GABRG2: variants seen among roughly 807,000 people sequenced by gnomAD.
GABRG2 encodes gamma-aminobutyric acid receptor subunit gamma-2.
Under a neutral mutation model 56.4 loss-of-function variants are expected in GABRG2, and 16 were observed. The ratio of observed to expected loss-of-function variants is 0.28; its 90% CI spans 0.19 to 0.43. The LOEUF (loss-of-function observed/expected upper bound fraction) is 0.43, where lower values mean the gene tolerates loss of function less well. Among genes scored for constraint, GABRG2 ranks in the 20% least tolerant of loss-of-function variants. GABRG2 has a pLI of 1.00. For synonymous variants in GABRG2, 208 were observed against 205.5 expected, an observed-to-expected ratio of 1.01 and a Z score of -0.10; for missense variants, 327 against 582.7, an observed-to-expected ratio of 0.56 and a Z score of 4.52.
chr5:162,075,761 AT>A (rs1759049553), intron 1 of GABRG2, among the ~76,000 whole-genome samples: 1 of 152,152 alleles, frequency 6.6e-6, no homozygotes, highest in African/African-American at 2.4e-5. Context: ...GGAAAAAAAA[AT>A]AAAAGAAAAT....
In GABRG2 at chr5:162,067,860, A is replaced by G. The variant is rs939005916; in HGVS notation, c.-140A>G. 2 of 688,948 alleles carry G rather than the reference A, an allele frequency of 2.9e-6. No homozygotes were observed. The highest frequency in any genetic ancestry group is 5.2e-6 in the Non-Finnish European group (2 of 385,510). The allele number at this position is 688,948 out of a possible 1,614,324, so 42.7% of individuals were successfully genotyped here. A position where few individuals can be genotyped will look rare whatever the true frequency, so the allele number is the denominator to read the frequency against. The stretch of plus-strand genomic sequence containing the variant: ...ATATTAATTCCCTAATCTGGTAGCA[A>G]TCCATCTCCCCAGTGAAGGACCTAC... On this transcript the variant is annotated 5_prime_UTR_variant, in exon 1 of 10. Transcript: ENST00000639213.
At position 162,097,573 on chromosome 5, in the gene GABRG2, T is replaced by C. The variant is rs918958841; in HGVS notation, c.328-65T>C. On this transcript the variant is annotated intron_variant, in intron 3 of 9. Transcript: ENST00000639213. ...TGGCAAAGAAAACAGGAATGAAATATACCAATATTTAAAAAGATAATCTTA... is the reference window on the plus strand; with the variant it reads ...TGGCAAAGAAAACAGGAATGAAATACACCAATATTTAAAAAGATAATCTTA... 39 of 1,197,468 alleles carry C rather than the reference T, an allele frequency of 3.3e-5. No homozygotes were observed. The East Asian group carries it at 8.7e-4, about 27-fold the overall frequency. 74.2% of individuals were successfully genotyped at this position (1,197,468 alleles called of 1,614,324 possible).
chr5:162,107,192 G>A (rs1761899807), intron 6 of GABRG2, among the ~76,000 whole-genome samples: 1 of 152,030 alleles, frequency 6.6e-6, no homozygotes, highest in African/African-American at 2.4e-5. Context: ...TTCTCATTTT[G>A]TGTGGCTGCA....
chr5:162,102,357 T>C (rs1761488781), intron 5 of GABRG2: 1 of 388,002 alleles, frequency 2.6e-6, no homozygotes, highest in Admixed American at 2.7e-5. Context: ...GACTACTTCT[T>C]TCTTGCGTCA....
chr5:162,153,472 T>C lies in GABRG2; in HGVS notation c.*104T>C. 7.4e-7 allele frequency: 1 copy of C among 1,348,026 alleles called. No homozygotes were observed. The highest frequency in any genetic ancestry group is 1.1e-6 in the Non-Finnish European group (1 of 943,468). The allele number at this position is 1,348,026 out of a possible 1,614,324, so 83.5% of individuals were successfully genotyped here. ...ATCCTCTATGTGGTTGATAATGATC[T>C]GAATCTGTTTCTATGTCCAAACCTG... On this transcript the variant is annotated 3_prime_UTR_variant, in exon 10 of 10. Coordinates refer to ENST00000639213, the MANE Select transcript of GABRG2 (RefSeq NM_198904.4).
chr5:162,104,924 C>T (rs1430052139), intron 6 of GABRG2, among the ~76,000 whole-genome samples: 1 of 152,070 alleles, frequency 6.6e-6, no homozygotes, highest in Non-Finnish European at 1.5e-5. Context: ...AGCAATGTTG[C>T]TTATATCCTC....
chr5:162,152,685 A>C (rs1765458610), intron 9 of GABRG2: 2 of 390,368 alleles, frequency 5.1e-6, no homozygotes, highest in South Asian at 6.6e-5. Context: ...AGCATGACAC[A>C]ATATTTGATT....
chr5:162,067,816 T>C lies in GABRG2; in HGVS notation c.-184T>C. On this transcript the variant is annotated 5_prime_UTR_variant, in exon 1 of 10. Coordinates refer to ENST00000639213, the MANE Select transcript of GABRG2 (RefSeq NM_198904.4). ...TGGTATCTGCAAGCGTTTTTGCTGA[T>C]CTTATCTCTGCCCCCTGAATATTAA... 1 of 627,566 alleles carries C rather than the reference T, an allele frequency of 1.6e-6. No individual in the cohort carries two copies. Among genetic ancestry groups the C allele is most frequent in the Non-Finnish European group, 2.8e-6 (1 of 355,128 alleles). 38.9% of individuals were successfully genotyped at this position (627,566 alleles called of 1,614,324 possible).
rs920846411 is a variant in GABRG2 at position 162,154,666 on chromosome 5, A to G, written c.*1298A>G. The G allele has an allele frequency of 2.0e-5, 3 of 152,108 alleles. No individual in the cohort carries two copies. Among genetic ancestry groups the G allele is most frequent in the Non-Finnish European group, 4.4e-5 (3 of 68,024 alleles). 9.4% of individuals were successfully genotyped at this position (152,108 alleles called of 1,614,324 possible). Reference sequence around the variant, plus strand: ...CATGACTCTACTAGGGCATAATTAGAGTTTGTGTATTATTTTTCCAGGTTT... The same window carrying G: ...CATGACTCTACTAGGGCATAATTAGGGTTTGTGTATTATTTTTCCAGGTTT... On this transcript the variant is annotated 3_prime_UTR_variant, in exon 10 of 10. Coordinates refer to ENST00000639213, the MANE Select transcript of GABRG2 (RefSeq NM_198904.4).
chr5:162,106,202 C>A (rs987111937), intron 6 of GABRG2, among the ~76,000 whole-genome samples: 1 of 152,164 alleles, frequency 6.6e-6, no homozygotes, highest in South Asian at 2.1e-4. Flanking sequence ...GGCTATTAAT[C>A]TTCCTAAGGA....
chr5:162,118,827 C>T (rs1581396195), intron 6 of GABRG2, among the ~76,000 whole-genome samples: 4 of 152,050 alleles, frequency 2.6e-5, no homozygotes, highest in African/African-American at 7.2e-5. Flanking sequence ...AAAATTCTGA[C>T]TTTTCTGCAA....
chr5:162,151,611 A>C, intron 8 of GABRG2, 119 bp from the exon 9 acceptor site: 1 of 842,842 alleles, frequency 1.2e-6, no homozygotes, highest in Non-Finnish European at 1.9e-6. Context: ...AGTTCATTTC[A>C]CTTACTGTGT....
intron 1 of GABRG2, among the ~76,000 whole-genome samples, chr5:162,088,992 C>A (rs1187916294): frequency 1.3e-5 from 2 of 152,046 alleles, no homozygotes; most frequent in Non-Finnish European, 2.9e-5. Flanking sequence ...GTAATGAAGA[C>A]AGACAATAGA....
intron 6 of GABRG2, among the ~76,000 whole-genome samples, chr5:162,140,434 G>C (rs1308144705): frequency 1.3e-5 from 2 of 152,186 alleles, no homozygotes; most frequent in African/African-American, 4.8e-5. Context: ...CAGCAGCTTT[G>C]AGGGGTATGG....
intron 6 of GABRG2, among the ~76,000 whole-genome samples, chr5:162,113,298 T>A (rs1762386504): frequency 1.3e-5 from 2 of 152,176 alleles, no homozygotes; most frequent in Non-Finnish European, 2.9e-5. Flanking sequence ...TGCTTTACAG[T>A]TAACATAGAA....
intron 1 of GABRG2, among the ~76,000 whole-genome samples, chr5:162,075,989 GAA>G: frequency 7.0e-6 from 1 of 142,106 alleles, no homozygotes; most frequent in East Asian, 2.1e-4. Context: ...CCTATTTCAA[GAA>G]AAAAAAAAAA....
rs138903321 is a variant in GABRG2 at position 162,134,647 on chromosome 5, A to C, written c.770-7517A>C. ...TCTGATATTTGCCCTTGCAGTGGAC[A>C]CTGTTGATGCCCCTGCCACCCTATC... On this transcript the variant is annotated intron_variant, in intron 6 of 9. Coordinates refer to ENST00000639213, the MANE Select transcript of GABRG2 (RefSeq NM_198904.4). Among the ~76,000 whole-genome samples, 424 of 152,248 alleles carry C rather than the reference A, an allele frequency of 2.8e-3. 2 individuals are homozygous for C. The highest frequency in any genetic ancestry group is 5.9e-3 in the Admixed American group (90 of 15,282).
At chr5:162,086,723 C>T (rs1760149756) in intron 1 of GABRG2, among the ~76,000 whole-genome samples, 1 of 151,962 alleles carries the variant, frequency 6.6e-6, no homozygotes. Flanking sequence ...AATGTCTAGA[C>T]ATCTTTTGCT....
At chr5:162,097,383 G>T (rs1041899261) in intron 3 of GABRG2, among the ~76,000 whole-genome samples, 5 of 152,114 alleles carry the variant, frequency 3.3e-5, no homozygotes, top group Non-Finnish European at 7.4e-5. Flanking sequence ...GAAAGTAAAG[G>T]ATTGTATCAA....
Sources: allele counts gnomAD v4.1 joint callset (sites outside exome capture counted in the v4.1 genomes callset), GRCh38; gene constraint gnomAD v4.1.1; transcripts MANE v1.5; gene names NCBI Gene and HGNC (gene_info 2026-07-23, HGNC 2026-07-21).